The following SLC38A6 variants were observed in gnomAD, a reference collection of about 807,000 sequenced individuals.
SLC38A6 encodes the protein N system amino acid transporter NAT-1.
SLC38A6 carries 73 observed loss-of-function variants against 65.0 expected under a neutral mutation model. That is an observed-to-expected ratio of 1.12 (90% CI 0.93 to 1.37). SLC38A6 has a LOEUF of 1.37. Among genes scored for constraint, SLC38A6 ranks in the 40% most tolerant of loss-of-function variants. SLC38A6 has a pLI of 0.00. For synonymous variants in SLC38A6, 183 were observed against 178.8 expected (o/e 1.02, Z -0.19); for missense variants, 561 against 531.1 (o/e 1.06, Z -0.55).
chr14:61,019,719 T>A, intron 5 of SLC38A6, 139 bp downstream of exon 5: 1 of 779,848 alleles, frequency 1.3e-6, no homozygotes, highest in Non-Finnish European at 2.1e-6. Flanking sequence ...GCCTCTTTAC[T>A]CTTTTTTTTT....
intron 13 of SLC38A6, 120 bp downstream of exon 13, chr14:61,050,756 C>T: frequency 1.1e-6 from 1 of 938,432 alleles, no homozygotes; most frequent in Non-Finnish European, 1.4e-6. Flanking sequence ...ATTCACTTGT[C>T]AAGTAATTGA....
chr14:61,037,524 C>A, intron 7 of SLC38A6, 101 bp from the exon 8 acceptor site: 1 of 775,868 alleles, frequency 1.3e-6, no homozygotes, highest in Non-Finnish European at 2.1e-6. Flanking sequence ...CCCCAGATAC[C>A]AACCACTATA....
intron 16 of SLC38A6, among the ~76,000 whole-genome samples, chr14:61,079,133 C>CT (rs34713691): frequency 0.31 from 29,587 of 93,938 alleles, 5,956 homozygotes; most frequent in Non-Finnish European, 0.36. Flanking sequence ...TGCCTCCAAA[C>CT]TTTTTTTTTT....
intron 3 of SLC38A6, among the ~76,000 whole-genome samples, chr14:60,990,269 G>A (rs1421546511): frequency 2.0e-5 from 3 of 152,130 alleles, no homozygotes; most frequent in East Asian, 3.9e-4. Flanking sequence ...GGCTTCAAGT[G>A]ATCCACCCAC....
intron 3 of SLC38A6, among the ~76,000 whole-genome samples, chr14:61,014,634 T>A (rs946369197): frequency 8.5e-5 from 13 of 152,180 alleles, no homozygotes; most frequent in African/African-American, 3.1e-4. Context: ...TCTGTTGGAG[T>A]TTACTGGAAG....
Position 61,043,432 on chromosome 14 carries a change from C to T in SLC38A6, c.691-18C>T, listed in dbSNP as rs2041932527. 1 of 1,583,818 alleles carries T rather than the reference C, an allele frequency of 6.3e-7. No individual in the cohort carries two copies. Among genetic ancestry groups the T allele is most frequent in the African/African-American group, 1.4e-5 (1 of 73,422 alleles). ...ATGGCTGTTGGTTTCTCTTTTTCCC[C>T]TCAATGCTCTTAAACAGATTTCAAA... On this transcript the variant is annotated intron_variant, in intron 9 of 15. Transcript: ENST00000267488.
intron 3 of SLC38A6, among the ~76,000 whole-genome samples, chr14:61,003,456 G>T (rs1416918823): frequency 6.6e-6 from 1 of 151,974 alleles, no homozygotes; most frequent in Admixed American, 6.6e-5. Context: ...GAGTATCTTT[G>T]CATATAATGA....
intron 1 of SLC38A6, chr14:60,981,720 C>T (rs1253348054): frequency 6.9e-6 from 9 of 1,312,560 alleles, no homozygotes; most frequent in Non-Finnish European, 9.0e-6. Context: ...TTATTTTCTC[C>T]ACCAGTCTCG....
At position 61,030,452 on chromosome 14, in the gene SLC38A6, A is replaced by T. The variant is rs751598850; in HGVS notation, c.411A>T (p.Ser137=). ...CTATTTATTCTTTTGCAGCTATGTC[A>T]TCTTATCTTTTAATTATTAAAACAG... ...TIIIQNIGAM[S]SYLLIIKTEL... Residue 137 remains serine (S), a synonymous_variant, in exon 6 of 16, where the codon TCA becomes TCT. Transcript: ENST00000267488. 2.2e-5 allele frequency: 36 copies of T among 1,608,016 alleles called. No individual in the cohort carries two copies. The highest frequency in any genetic ancestry group is 8.5e-7 in the Non-Finnish European group (1 of 1,176,802).
intron 3 of SLC38A6, among the ~76,000 whole-genome samples, chr14:60,989,861 T>C (rs941135683): frequency 6.6e-6 from 1 of 152,250 alleles, no homozygotes; most frequent in South Asian, 2.1e-4. Flanking sequence ...GTCAGCAGCA[T>C]GTGACAGAGC....
intron 8 of SLC38A6, among the ~76,000 whole-genome samples, chr14:61,040,893 T>C (rs1177130238): frequency 6.6e-6 from 1 of 152,224 alleles, no homozygotes; most frequent in Non-Finnish European, 1.5e-5. Flanking sequence ...CTTAAGGATC[T>C]GTCAATCTAG....
At chr14:61,004,129 A>T (rs1026755381) in intron 3 of SLC38A6, among the ~76,000 whole-genome samples, 1 of 152,200 alleles carries the variant, frequency 6.6e-6, no homozygotes, top group African/African-American at 2.4e-5. Context: ...TTAATTTTTT[A>T]AATTAAAAAT....
intron 15 of SLC38A6, among the ~76,000 whole-genome samples, chr14:61,067,178 T>C (rs2043048732): frequency 6.6e-6 from 1 of 152,218 alleles, no homozygotes; most frequent in Non-Finnish European, 1.5e-5. Context: ...TCTTTCTATA[T>C]CTTTCTAATT....
intron 6 of SLC38A6, 68 bp downstream of exon 6, chr14:61,030,591 A>G: frequency 9.2e-7 from 1 of 1,087,276 alleles, no homozygotes; most frequent in African/African-American, 1.6e-5. Context: ...TAAGCTGTAA[A>G]TGGCAATACT....
intron 3 of SLC38A6, 85 bp downstream of exon 3, chr14:60,984,888 A>G: frequency 1.6e-6 from 2 of 1,262,128 alleles, no homozygotes; most frequent in East Asian, 2.3e-5. Flanking sequence ...TCTCAAATCT[A>G]ATATCCAGTG....
intron 6 of SLC38A6, among the ~76,000 whole-genome samples, chr14:61,031,708 A>G (rs1466629030): frequency 6.6e-6 from 1 of 151,930 alleles, no homozygotes; most frequent in Non-Finnish European, 1.5e-5. Flanking sequence ...AGAAATAGCT[A>G]TGTGAAATTC....
At chr14:61,014,300 G>A (rs1458809743) in intron 3 of SLC38A6, among the ~76,000 whole-genome samples, 1 of 152,002 alleles carries the variant, frequency 6.6e-6, no homozygotes, top group Non-Finnish European at 1.5e-5. Flanking sequence ...TTTTTTTCAA[G>A]GTTTTTAACT....
At chr14:61,024,555 C>T (rs1203141675) in intron 5 of SLC38A6, among the ~76,000 whole-genome samples, 1 of 152,156 alleles carries the variant, frequency 6.6e-6, no homozygotes, top group African/African-American at 2.4e-5. Context: ...GGCAGCCTAA[C>T]TAAAGATAAA....
At chr14:61,023,609 A>G (rs1283109694) in intron 5 of SLC38A6, among the ~76,000 whole-genome samples, 2 of 149,134 alleles carry the variant, frequency 1.3e-5, no homozygotes, top group Non-Finnish European at 3.0e-5. Flanking sequence ...ATACACACAC[A>G]CACACACACA....
Sources: allele counts gnomAD v4.1 joint callset (sites outside exome capture counted in the v4.1 genomes callset), GRCh38; gene constraint gnomAD v4.1.1; transcripts MANE v1.5; gene names NCBI Gene and HGNC (gene_info 2026-07-23, HGNC 2026-07-21).